Variants in USP20 observed in about 807,000 individuals in gnomAD.
USP20 encodes the protein ubiquitin specific peptidase 20.
Under a neutral mutation model 124.2 loss-of-function variants are expected in USP20, and 80 were observed. The observed-to-expected ratio is 0.64, with a 90% CI of 0.54 to 0.78. The LOEUF (loss-of-function observed/expected upper bound fraction) is 0.78, where lower values mean the gene tolerates loss of function less well. Among genes scored for constraint, USP20 ranks in the 30% least tolerant of loss-of-function variants. USP20 has a pLI of 0.00. For synonymous variants in USP20, 481 were observed against 512.3 expected (o/e 0.94, Z 0.83); for missense variants, 1,043 against 1,244.4 (o/e 0.84, Z 2.44).
At chr9:129,846,403 G>A (rs113141778) in intron 1 of USP20, among the ~76,000 whole-genome samples, 21,455 of 149,822 alleles carry the variant, frequency 0.14, 2,018 homozygotes, top group African/African-American at 0.26. Flanking sequence ...CTACAGGTGC[G>A]TGCACCACCA....
At chr9:129,844,581 A>C (rs2131036087) in intron 1 of USP20, among the ~76,000 whole-genome samples, 1 of 143,510 alleles carries the variant, frequency 7.0e-6, no homozygotes, top group Non-Finnish European at 1.5e-5. Flanking sequence ...TCGAGATCGC[A>C]CCACTGCACT....
intron 3 of USP20, among the ~76,000 whole-genome samples, chr9:129,855,775 CCAG>C (rs1224272181): frequency 1.3e-5 from 2 of 152,170 alleles, no homozygotes; most frequent in Admixed American, 6.5e-5. Context: ...AGAAAGGATT[CCAG>C]TAGACACGGA....
chr9:129,868,505 C>T (rs751463158), intron 11 of USP20, 56 bp downstream of exon 11: 89 of 1,548,732 alleles, frequency 5.7e-5, no homozygotes, highest in Admixed American at 7.5e-5. Context: ...CAGTACCTAC[C>T]GGGTGCTGAG....
chr9:129,847,883 T>C (rs1011720352), intron 1 of USP20, among the ~76,000 whole-genome samples: 3 of 151,324 alleles, frequency 2.0e-5, no homozygotes, highest in Admixed American at 1.3e-4. Context: ...ATGGTATATA[T>C]GTTTTTGTAT....
intron 3 of USP20, among the ~76,000 whole-genome samples, chr9:129,855,169 C>T (rs1028126223): frequency 1.4e-4 from 21 of 152,156 alleles, no homozygotes; most frequent in Admixed American, 8.5e-4. Flanking sequence ...CGGTGGCTCA[C>T]GCCTGTAATC....
chr9:129,861,832 C>G (rs903084860), intron 8 of USP20, among the ~76,000 whole-genome samples: 18 of 152,210 alleles, frequency 1.2e-4, no homozygotes, highest in African/African-American at 4.3e-4. Flanking sequence ...TGCAAGGAGG[C>G]TCAGTGCTCT....
chr9:129,841,541 T>A (rs1391730008), intron 1 of USP20, among the ~76,000 whole-genome samples: 1 of 152,210 alleles, frequency 6.6e-6, no homozygotes, highest in African/African-American at 2.4e-5. Flanking sequence ...GGGATGTTCT[T>A]TGTGGCATCC....
At chr9:129,844,777 AAGGT>A (rs1162995783) in intron 1 of USP20, among the ~76,000 whole-genome samples, 1 of 152,022 alleles carries the variant, frequency 6.6e-6, no homozygotes, top group Non-Finnish European at 1.5e-5. Flanking sequence ...AGCTTCTATG[AAGGT>A]ATATATCAAA....
At chr9:129,846,253 T>A (rs112307520) in intron 1 of USP20, among the ~76,000 whole-genome samples, 1,209 of 106,720 alleles carry the variant, frequency 0.011, 11 homozygotes, top group African/African-American at 0.046. Context: ...ATATATTTTT[T>A]TTTTTTTTTT....
At chr9:129,865,242 C>T (rs2033765502) in intron 9 of USP20, 61 bp from the exon 10 acceptor site, 2 of 1,576,936 alleles carry the variant, frequency 1.3e-6, no homozygotes, top group South Asian at 2.2e-5. Context: ...CTGCCTGCTT[C>T]TCTCGGGAAT....
chr9:129,842,551 T>C (rs963469315), intron 1 of USP20, among the ~76,000 whole-genome samples: 1 of 151,924 alleles, frequency 6.6e-6, no homozygotes, highest in South Asian at 2.1e-4. Context: ...TGCACCCTCT[T>C]GTCGACCCCC....
chr9:129,868,460 G>T lies in USP20; in HGVS notation c.1135+11G>T. 6.2e-7 allele frequency: 1 copy of T among 1,605,942 alleles called. No individual in the cohort carries two copies. Among genetic ancestry groups the T allele is most frequent in the Non-Finnish European group, 8.5e-7 (1 of 1,175,622 alleles). On this transcript the variant is annotated intron_variant, in intron 11 of 25. Coordinates refer to ENST00000372429, the MANE Select transcript of USP20 (RefSeq NM_001110303.4). ...CCTGCCGGACGCCAGGTATCAGCTG[G>T]CCGGGGACTGCGGGAGGAACCTCAG...
chr9:129,846,548 C>T (rs539464772), intron 1 of USP20, among the ~76,000 whole-genome samples: 42 of 150,848 alleles, frequency 2.8e-4, no homozygotes, highest in South Asian at 1.3e-3. Context: ...ATGAGCCGCC[C>T]AACATGGCCT....
chr9:129,841,408 T>G (rs2032203774), intron 1 of USP20, among the ~76,000 whole-genome samples: 1 of 152,204 alleles, frequency 6.6e-6, no homozygotes, highest in Non-Finnish European at 1.5e-5. Flanking sequence ...TCAAATATGA[T>G]TACATTCTCA....
chr9:129,880,090 G>C (rs76211809), intron 24 of USP20, 23 bp from the exon 25 acceptor site: 2 of 1,610,604 alleles, frequency 1.2e-6, no homozygotes, highest in South Asian at 2.2e-5. Flanking sequence ...GGTGAGCCTA[G>C]GGGTGCCTCT....
intron 1 of USP20, among the ~76,000 whole-genome samples, chr9:129,843,527 G>A (rs770372449): frequency 9.2e-5 from 14 of 152,066 alleles, no homozygotes; most frequent in Non-Finnish European, 1.9e-4. Context: ...CTGAGATCAG[G>A]AGTTCAAGAC....
At position 129,876,116 on chromosome 9, in the gene USP20, C is replaced by T; in HGVS notation, c.2301-14C>T. ...CCGCTCAGGCCGTGTCTCTCTCTCC[C>T]ACCCTGGGCACAGATTCGGGGGTGG... On this transcript the variant is annotated splice_polypyrimidine_tract_variant and intron_variant, in intron 21 of 25. Coordinates refer to ENST00000372429, the MANE Select transcript of USP20 (RefSeq NM_001110303.4). 1 of 1,609,180 alleles carries T rather than the reference C, an allele frequency of 6.2e-7. No individual in the cohort carries two copies. Among genetic ancestry groups the T allele is most frequent in the Non-Finnish European group, 8.5e-7 (1 of 1,177,522 alleles).
rs2034580278 is a variant in USP20 at position 129,880,192 on chromosome 9, C to G, written c.2664C>G (p.Ile888Met). ...SLYGGGPEIAIRQSVAQPLGP... is the reference protein window; with the variant it reads ...SLYGGGPEIAMRQSVAQPLGP... The stretch of plus-strand genomic sequence containing the variant: ...ATGGAGGTGGCCCCGAGATTGCCAT[C>G]CGCCAGAGTGTGGCGCAGCCGCTGG... The change falls in exon 25 of 26, where the codon ATC (isoleucine) becomes ATG (methionine). Residue 888 changes from isoleucine to methionine, a missense_variant. By Grantham distance (10) the Ile-to-Met change is conservative. Transcript: ENST00000372429. 2 of 1,613,846 alleles carry G rather than the reference C, an allele frequency of 1.2e-6. No individual in the cohort carries two copies. The highest frequency in any genetic ancestry group is 1.7e-6 in the Non-Finnish European group (2 of 1,180,018).
At chr9:129,857,860 T>C (rs2131060994) in intron 4 of USP20, among the ~76,000 whole-genome samples, 190 bp from the exon 5 acceptor site, 1 of 152,326 alleles carries the variant, frequency 6.6e-6, no homozygotes, top group South Asian at 2.1e-4. Flanking sequence ...TTACTGTCCA[T>C]CACTGCCCAG....
Sources: allele counts gnomAD v4.1 joint callset (sites outside exome capture counted in the v4.1 genomes callset), GRCh38; gene constraint gnomAD v4.1.1; transcripts MANE v1.5; gene names NCBI Gene and HGNC (gene_info 2026-07-23, HGNC 2026-07-21).